The following KIAA1549 variants were observed in gnomAD, a reference collection of about 807,000 sequenced individuals.
The protein encoded by KIAA1549 is KIAA1549, also known as UPF0606 protein KIAA1549.
KIAA1549 carries 70 observed loss-of-function variants against 156.4 expected under a neutral mutation model. The observed-to-expected ratio is 0.45, with a 90% CI of 0.37 to 0.55. KIAA1549 has a LOEUF of 0.55. Among genes scored for constraint, KIAA1549 ranks in the 20% least tolerant of loss-of-function variants. KIAA1549 has a pLI of 0.00. For missense variants in KIAA1549, 2,428 were observed against 2,540.9 expected, an observed-to-expected ratio of 0.96 and a Z score of 0.96; for synonymous variants, 1,103 against 1,066.4, an observed-to-expected ratio of 1.03 and a Z score of -0.67.
At chr7:138,899,154 T>C (rs1213301184) in intron 8 of KIAA1549, 22 bp from the exon 9 acceptor site, 2 of 1,609,698 alleles carry the variant, frequency 1.2e-6, no homozygotes, top group Non-Finnish European at 1.7e-6. Flanking sequence ...CAGAAACCAT[T>C]CACATTGCAG....
At chr7:138,952,746 CT>C (rs779229297) in intron 1 of KIAA1549, among the ~76,000 whole-genome samples, 19 of 152,288 alleles carry the variant, frequency 1.2e-4, no homozygotes, top group Admixed American at 3.3e-4. Context: ...TTTGTGATAT[CT>C]TGAGATTTTC....
In KIAA1549 at chr7:138,947,315, A is replaced by G. The variant is rs1584776891; in HGVS notation, c.188-27877T>C. Among the ~76,000 whole-genome samples, 3 of 152,292 alleles carry G rather than the reference A, an allele frequency of 2.0e-5. No individual in the cohort carries two copies. In the South Asian group the frequency reaches 6.2e-4, roughly 32 times the overall value. On this transcript the variant is annotated intron_variant, in intron 1 of 19. Transcript: ENST00000422774. ...TGGGAGAAGCACCTTCCGTCAGTAC[A>G]TCACTTAATTTCCCCAACCACCCCT... is the stretch of plus-strand genomic sequence containing the variant.
At chr7:138,974,470 T>C (rs1814313285) in intron 1 of KIAA1549, among the ~76,000 whole-genome samples, 1 of 152,136 alleles carries the variant, frequency 6.6e-6, no homozygotes, top group African/African-American at 2.4e-5. Context: ...TCTCATTTTG[T>C]TGCCCAGACT....
At chr7:138,980,704 G>A (rs1814519149) in intron 1 of KIAA1549, among the ~76,000 whole-genome samples, 1 of 152,198 alleles carries the variant, frequency 6.6e-6, no homozygotes, top group Admixed American at 6.5e-5. Flanking sequence ...CGACAATAAA[G>A]TATCTCAAAA....
intron 1 of KIAA1549, among the ~76,000 whole-genome samples, chr7:138,966,239 T>C (rs533859467): frequency 6.6e-6 from 1 of 152,034 alleles, no homozygotes; most frequent in Non-Finnish European, 1.5e-5. Flanking sequence ...GGTGGACCCC[T>C]ATCCAATACC....
In KIAA1549 at chr7:138,843,093, T is replaced by C. The variant is rs546436078; in HGVS notation, c.5452+1224A>G. Among the ~76,000 whole-genome samples, 40 of 152,312 alleles carry C rather than the reference T, an allele frequency of 2.6e-4. 1 individual carries two copies. The highest frequency in any genetic ancestry group is 9.1e-4 in the African/African-American group (38 of 41,564). On this transcript the variant is annotated intron_variant, in intron 18 of 19. Transcript: ENST00000422774. ...CTGAAAATAATAGTGACAATGGTCA[T>C]GGCAGCTAATATTTATTGAAAGTTT...
chr7:138,981,095 A>C lies in KIAA1549; in HGVS notation c.175T>G (p.Ser59Ala), dbSNP rs1252221347. 3 of 1,224,022 alleles carry C rather than the reference A, an allele frequency of 2.5e-6. No individual in the cohort carries two copies. The African/African-American group carries it at 4.7e-5, about 19-fold the overall frequency. The allele number at this position is 1,224,022 out of a possible 1,614,324, so 75.8% of individuals were successfully genotyped here. A position where few individuals can be genotyped will look rare whatever the true frequency, so the allele number is the denominator to read the frequency against. ...CGGCGGAGCTTACCTGGGGCGCACG[A>C]GGCCGGCCGGGCCAGCAGCAGCAGC... ...LWLLLLARPA[S>A]CAPDELSPEQ... Residue 59 changes from serine to alanine, a missense_variant, in exon 1 of 20, where the codon TCG becomes GCG. This residue lies in a region of KIAA1549 where 893 missense variants were observed against 847.9 expected (regional missense o/e 1.05). Transcript: ENST00000422774. The surrounding 1 kb of genome is among the most constrained non-coding windows in gnomAD (Gnocchi z 4.5).
chr7:138,879,540 C>T lies in KIAA1549; in HGVS notation c.4343G>A (p.Ser1448Asn). The T allele has an allele frequency of 6.4e-7, 1 of 1,554,588 alleles. No homozygotes were observed. The highest frequency in any genetic ancestry group is 8.7e-7 in the Non-Finnish European group (1 of 1,147,400). Residue 1448 changes from serine (S) to asparagine (N), a missense_variant and splice_region_variant, in exon 12 of 20, where the codon AGC becomes AAC. Ser to Asn is a conservative substitution (Grantham distance 46). This residue lies in a region of KIAA1549 where 404 missense variants were observed against 417.0 expected (regional missense o/e 0.97). Transcript: ENST00000422774. ...NDGRSHRAPQ[S>N]GPPLPSSGNE... ...GAAGAACCAGAAGAGTCACAGACCG[C>T]TCTGCGGAGCTCTGTGGGACCTGCC...
chr7:138,882,514 A>G (rs994905781), intron 10 of KIAA1549, among the ~76,000 whole-genome samples: 5 of 152,218 alleles, frequency 3.3e-5, no homozygotes, highest in East Asian at 1.9e-4. Context: ...GCCTGGGGGA[A>G]CTTGCAGGCT....
chr7:138,878,424 G>A (rs1354572359), intron 12 of KIAA1549, among the ~76,000 whole-genome samples: 2 of 152,208 alleles, frequency 1.3e-5, no homozygotes, highest in South Asian at 2.1e-4. Flanking sequence ...TCCATACAGA[G>A]AAATTTATGA....
chr7:138,898,464 G>A lies in KIAA1549; in HGVS notation c.3847+491C>T, dbSNP rs538861439. Among the ~76,000 whole-genome samples, 28 of 152,192 alleles carry A rather than the reference G, an allele frequency of 1.8e-4. No homozygotes were observed. The South Asian group carries it at 5.8e-3, about 32-fold the overall frequency. ...TGGAGTGACGTGAGGATAGGTGGGA[G>A]AGAAACAGGACTGAAAAGGGGAAGG... On this transcript the variant is annotated intron_variant, in intron 9 of 19. Coordinates refer to ENST00000422774, the MANE Select transcript of KIAA1549 (RefSeq NM_001164665.2).
At chr7:138,922,875 T>C (rs185364387) in intron 1 of KIAA1549, among the ~76,000 whole-genome samples, 33 of 151,988 alleles carry the variant, frequency 2.2e-4, no homozygotes, top group Admixed American at 1.4e-3. Flanking sequence ...TTCAAAGACA[T>C]AGTGCTAAGA....
intron 1 of KIAA1549, among the ~76,000 whole-genome samples, chr7:138,965,205 G>T (rs992819795): frequency 8.5e-5 from 13 of 152,144 alleles, no homozygotes; most frequent in African/African-American, 2.9e-4. Flanking sequence ...GGAGTCAACT[G>T]TGTCGATCGT....
intron 1 of KIAA1549, among the ~76,000 whole-genome samples, chr7:138,969,678 T>C (rs888898744): frequency 2.0e-5 from 3 of 152,162 alleles, no homozygotes; most frequent in Non-Finnish European, 4.4e-5. Context: ...CTGCAACCTC[T>C]GCTTCCCGGG....
intron 18 of KIAA1549, among the ~76,000 whole-genome samples, chr7:138,842,257 T>G (rs144544825): frequency 0.013 from 1,976 of 152,286 alleles, 32 homozygotes; most frequent in African/African-American, 0.044. Context: ...CAGCACAGGC[T>G]TCCCCCATGA....
In KIAA1549 at chr7:138,981,192, C is replaced by A; in HGVS notation, c.78G>T (p.Gly26=). 1 of 1,090,142 alleles carries A rather than the reference C, an allele frequency of 9.2e-7. No individual in the cohort carries two copies. Among genetic ancestry groups the A allele is most frequent in the Non-Finnish European group, 1.1e-6 (1 of 898,814 alleles). The allele number at this position is 1,090,142 out of a possible 1,614,324, so 67.5% of individuals were successfully genotyped here. A position where few individuals can be genotyped will look rare whatever the true frequency, so the allele number is the denominator to read the frequency against. The change falls in exon 1 of 20, where the codon GGG becomes GGT. Residue 26 remains glycine, a synonymous_variant. Transcript: ENST00000422774. The surrounding 1 kb of genome is among the most constrained non-coding windows in gnomAD (Gnocchi z 4.5). ...GGGCGGAAGGCCGTCGGCCGCTCGGCCCCGGGGCCAGCGCGACCCCGGCGC... is the reference window on the plus strand; with the variant it reads ...GGGCGGAAGGCCGTCGGCCGCTCGGACCCGGGGCCAGCGCGACCCCGGCGC... ...KPRAGVALAP[G]PSGRRPSARC...
chr7:138,837,749 C>G lies in KIAA1549; in HGVS notation c.*157G>C. ...AGTGAAAGGCTCATGAGCTGTCACA[C>G]GACGTATGGCATCTTCTAAATTGCA... On this transcript the variant is annotated 3_prime_UTR_variant, in exon 20 of 20. Transcript: ENST00000422774. The G allele has an allele frequency of 1.4e-6, 1 of 727,912 alleles. No homozygotes were observed. The highest frequency in any genetic ancestry group is 2.2e-6 in the Non-Finnish European group (1 of 451,350). 45.1% of individuals were successfully genotyped at this position (727,912 alleles called of 1,614,324 possible).
chr7:138,885,073 T>C (rs910118491), intron 10 of KIAA1549, among the ~76,000 whole-genome samples: 1 of 152,154 alleles, frequency 6.6e-6, no homozygotes, highest in Non-Finnish European at 1.5e-5. Context: ...CACGTGCCTG[T>C]AATCCCAGCT....
intron 12 of KIAA1549, chr7:138,876,356 T>C (rs914285500): frequency 3.3e-5 from 5 of 152,254 alleles, no homozygotes; most frequent in Non-Finnish European, 7.3e-5. Context: ...CTTTTAATTT[T>C]TTTAAAATAT....
Sources: allele counts gnomAD v4.1 joint callset (sites outside exome capture counted in the v4.1 genomes callset), GRCh38; gene constraint gnomAD v4.1.1; regional missense constraint gnomAD v4.1.1; non-coding constraint Gnocchi (gnomAD v3.1); transcripts MANE v1.5; gene names NCBI Gene and HGNC (gene_info 2026-07-23, HGNC 2026-07-21).